Variants in PCNX2 observed in about 807,000 individuals in gnomAD.
The protein encoded by PCNX2 is pecanex-like protein 2.
Under a neutral mutation model 223.8 loss-of-function variants are expected in PCNX2, and 168 were observed. The observed-to-expected ratio is 0.75, with a 90% confidence interval of 0.66 to 0.85. The LOEUF (loss-of-function observed/expected upper bound fraction) is 0.85. Ranked by LOEUF, PCNX2 falls within the 40% of genes least tolerant of loss-of-function variation. The pLI is 0.00. For missense variants in PCNX2, 2,507 were observed against 2,675.5 expected (o/e 0.94, Z 1.39); for synonymous variants, 1,006 against 1,052.6 (o/e 0.96, Z 0.86).
intron 8 of PCNX2, among the ~76,000 whole-genome samples, chr1:233,243,820 ACCTT>A (rs2102975140): frequency 6.6e-6 from 1 of 150,864 alleles, no homozygotes; most frequent in African/African-American, 2.5e-5. Flanking sequence ...GTGTACTATC[ACCTT>A]TATTTTTTAT....
chr1:233,252,468 A>G lies in PCNX2; in HGVS notation c.2014T>C (p.Tyr672His). 2 of 1,612,982 alleles carry G rather than the reference A, an allele frequency of 1.2e-6. No individual in the cohort carries two copies. The highest frequency in any genetic ancestry group is 2.2e-5 in the East Asian group (1 of 44,870). ...FQGNRQRQIIYRVTSQQDSSV... is the reference protein window; with the variant it reads ...FQGNRQRQIIHRVTSQQDSSV... Reference sequence around the variant, plus strand: ...CTATCTTGTTGGGAAGTTACCCTGTAGATTATCTGTCTTTGTCTATTGCCC... The same window carrying G: ...CTATCTTGTTGGGAAGTTACCCTGTGGATTATCTGTCTTTGTCTATTGCCC... The change falls in exon 7 of 34, where the codon TAC becomes CAC. Residue 672 changes from tyrosine to histidine, a missense_variant. Transcript: ENST00000258229.
rs1240895028 is a variant in PCNX2, at chr1:233,139,457, G to A, written c.3659+257C>T. ...ATTAAGGCTCACTGACTAAGCTTCT[G>A]CAGGATGATTTTCAAATCTACTGAC... On this transcript the variant is annotated intron_variant, in intron 20 of 33. Transcript: ENST00000258229. The surrounding 1 kb of genome is among the most constrained non-coding windows in gnomAD (Gnocchi z 4.4). Among the ~76,000 whole-genome samples the A allele has an allele frequency of 6.6e-6, 1 of 152,172 alleles. No individual in the cohort carries two copies. The highest frequency in any genetic ancestry group is 1.5e-5 in the Non-Finnish European group (1 of 68,034).
chr1:233,108,268 T>C (rs1674914480), intron 21 of PCNX2, among the ~76,000 whole-genome samples: 1 of 152,178 alleles, frequency 6.6e-6, no homozygotes, highest in Non-Finnish European at 1.5e-5. Context: ...AACCCTCTTT[T>C]GGGGTCTGGA....
chr1:233,075,699 A>C (rs1377413058), intron 23 of PCNX2, among the ~76,000 whole-genome samples: 1 of 107,534 alleles, frequency 9.3e-6, no homozygotes, highest in African/African-American at 3.7e-5. Context: ...AGCTTAAAAC[A>C]CACACACACA....
chr1:233,290,548 C>T (rs1053084291), intron 1 of PCNX2, among the ~76,000 whole-genome samples: 2 of 152,030 alleles, frequency 1.3e-5, no homozygotes, highest in African/African-American at 4.8e-5. Context: ...AAAGAGGAAT[C>T]GAGATCTAAG....
At chr1:233,067,951 A>G (rs1431875267) in intron 23 of PCNX2, among the ~76,000 whole-genome samples, 1 of 152,176 alleles carries the variant, frequency 6.6e-6, no homozygotes, top group Non-Finnish European at 1.5e-5. Flanking sequence ...TAATTAAAGA[A>G]CTAAAATCAG....
At chr1:233,172,109 C>A (rs1558307570) in intron 17 of PCNX2, among the ~76,000 whole-genome samples, 1 of 152,146 alleles carries the variant, frequency 6.6e-6, no homozygotes, top group Non-Finnish European at 1.5e-5. Context: ...TTAAAGCTTG[C>A]CTTTTACTTC....
chr1:233,141,717 C>CTCTG (rs371083465), intron 19 of PCNX2, among the ~76,000 whole-genome samples: 5 of 150,866 alleles, frequency 3.3e-5, no homozygotes, highest in African/African-American at 1.2e-4. Context: ...ATATATATAT[C>CTCTG]TGTGTGTGTA....
intron 1 of PCNX2, chr1:233,291,596 G>A (rs952579669): frequency 9.5e-6 from 8 of 841,430 alleles, no homozygotes; most frequent in Non-Finnish European, 9.8e-6. Flanking sequence ...CAACAACAGC[G>A]AAACTCTGTC....
intron 1 of PCNX2, among the ~76,000 whole-genome samples, chr1:233,263,413 A>G (rs1660162862): frequency 1.3e-5 from 2 of 150,846 alleles, no homozygotes; most frequent in African/African-American, 4.9e-5. Context: ...GCAGGCAGGA[A>G]CCCCACAGAA....
At chr1:233,140,068 T>G (rs1435699728) in intron 19 of PCNX2, among the ~76,000 whole-genome samples, 1 of 149,326 alleles carries the variant, frequency 6.7e-6, no homozygotes, top group Non-Finnish European at 1.5e-5. Flanking sequence ...TACAGTAATA[T>G]AGGCCAGCAT....
At chr1:233,301,473 C>T in the PCNX2 span, among the ~76,000 whole-genome samples, 2 of 152,130 alleles carry the variant, frequency 1.3e-5, no homozygotes, top group African/African-American at 4.8e-5. Context: ...AAAGACATGA[C>T]AGGAAACGAA....
chr1:233,272,107 A>G (rs10910124), intron 1 of PCNX2, among the ~76,000 whole-genome samples: 13,550 of 152,258 alleles, frequency 0.089, 724 homozygotes, highest in South Asian at 0.17. Flanking sequence ...CAAGAACCCA[A>G]AAGCAAACGC....
chr1:233,058,372 C>A (rs1203313460), intron 23 of PCNX2: 1 of 152,330 alleles, frequency 6.6e-6, no homozygotes, highest in East Asian at 1.9e-4. Flanking sequence ...TGCCAGCCTA[C>A]CTTTGTCCTT....
intron 21 of PCNX2, among the ~76,000 whole-genome samples, chr1:233,097,917 T>A (rs2102952348): frequency 6.6e-6 from 1 of 152,292 alleles, no homozygotes; most frequent in East Asian, 1.9e-4. Context: ...ACTTCTGGGT[T>A]ACCAACCAGG....
chr1:233,063,434 T>C (rs1230369939), intron 23 of PCNX2, among the ~76,000 whole-genome samples: 1 of 152,108 alleles, frequency 6.6e-6, no homozygotes, highest in Non-Finnish European at 1.5e-5. Flanking sequence ...TAATAAAAGT[T>C]AACCATACTG....
chr1:233,060,156 C>T (rs1672350856), intron 23 of PCNX2, among the ~76,000 whole-genome samples: 1 of 152,144 alleles, frequency 6.6e-6, no homozygotes, highest in Non-Finnish European at 1.5e-5. Flanking sequence ...CTTACAAATA[C>T]TCTCATAGCA....
chr1:233,112,710 T>TG, intron 21 of PCNX2: 2 of 619,402 alleles, frequency 3.2e-6, no homozygotes, highest in Non-Finnish European at 2.1e-6. Flanking sequence ...TGTAGATCTT[T>TG]GAACAATATA....
At chr1:233,120,432 C>T (rs1311350329) in intron 21 of PCNX2, among the ~76,000 whole-genome samples, 2 of 151,886 alleles carry the variant, frequency 1.3e-5, no homozygotes, top group African/African-American at 4.8e-5. Context: ...TAAAATAAAA[C>T]AATAGTGGGA....
Sources: gnomAD v4.1 joint callset for allele counts (sites outside exome capture counted in the v4.1 genomes callset) on GRCh38, gnomAD v4.1.1 for gene constraint, Gnocchi (gnomAD v3.1) non-coding constraint, MANE v1.5 for transcripts, NCBI Gene and HGNC (gene_info 2026-07-23, HGNC 2026-07-21) for gene names.